The following CACNA2D3 variants were observed in gnomAD, a reference collection of about 807,000 sequenced individuals.
CACNA2D3 encodes calcium voltage-gated channel auxiliary subunit alpha2delta 3, also known as voltage-dependent calcium channel subunit alpha-2/delta-3.
CACNA2D3 carries 60 observed loss-of-function variants against 160.6 expected under a neutral mutation model. The ratio of observed to expected loss-of-function variants is 0.37; its 90% confidence interval spans 0.30 to 0.46. CACNA2D3 has a LOEUF of 0.46. Among genes scored for constraint, CACNA2D3 ranks in the 20% least tolerant of loss-of-function variants. The probability of loss-of-function intolerance (pLI) is 1.00; values close to 1 mark genes in which losing one functional copy is unlikely to be tolerated. For synonymous variants in CACNA2D3, 558 were observed against 492.9 expected, an observed-to-expected ratio of 1.13 and a Z score of -1.75; for missense variants, 1,205 against 1,365.0, an observed-to-expected ratio of 0.88 and a Z score of 1.85.
At chr3:55,019,648 A>G (rs1703404845) in intron 35 of CACNA2D3, among the ~76,000 whole-genome samples, 1 of 152,154 alleles carries the variant, frequency 6.6e-6, no homozygotes. Context: ...TTTGAGATCG[A>G]CTTGTTTGTG....
intron 13 of CACNA2D3, among the ~76,000 whole-genome samples, chr3:54,778,533 G>A (rs1702466721): frequency 1.3e-5 from 2 of 152,114 alleles, no homozygotes; most frequent in Admixed American, 1.3e-4. Flanking sequence ...CTAGAGTGGG[G>A]CATTGATGGC....
intron 4 of CACNA2D3, among the ~76,000 whole-genome samples, chr3:54,490,368 A>G (rs1701089798): frequency 6.6e-6 from 1 of 152,180 alleles, no homozygotes. Context: ...TCTCCGGGCC[A>G]TACCAGGCCG....
chr3:54,497,392 T>A (rs1466509978), intron 4 of CACNA2D3, among the ~76,000 whole-genome samples: 2 of 152,080 alleles, frequency 1.3e-5, no homozygotes, highest in Non-Finnish European at 2.9e-5. Flanking sequence ...TCATAAATGC[T>A]ATTATTTTCC....
At chr3:54,319,051 T>A (rs928177373) in intron 2 of CACNA2D3, among the ~76,000 whole-genome samples, 1 of 151,938 alleles carries the variant, frequency 6.6e-6, no homozygotes, top group Non-Finnish European at 1.5e-5. Context: ...TCCTTAGAGT[T>A]CCTCCCCTTG....
At chr3:54,805,863 T>C (rs1703108254) in intron 13 of CACNA2D3, among the ~76,000 whole-genome samples, 1 of 152,164 alleles carries the variant, frequency 6.6e-6, no homozygotes, top group Non-Finnish European at 1.5e-5. Flanking sequence ...CATGATCAAG[T>C]GGGCTTCATC....
At position 54,341,602 on chromosome 3, in the gene CACNA2D3, G is replaced by T. The variant is rs151177166; in HGVS notation, c.321+21044G>T. Among the ~76,000 whole-genome samples, 318 of 152,280 alleles carry T rather than the reference G, an allele frequency of 2.1e-3. 4 individuals are homozygous for T. Among genetic ancestry groups the T allele is most frequent in the African/African-American group, 7.1e-3 (294 of 41,564 alleles). On this transcript the variant is annotated intron_variant, in intron 3 of 37. Coordinates refer to ENST00000474759, the MANE Select transcript of CACNA2D3 (RefSeq NM_018398.3). ...GGAGCATGAGTTTGGCATTATTACT[G>T]CTACTAGCGTCCCCTTCTTTCAGAG...
At chr3:55,060,835 C>A (rs1276302018) in intron 35 of CACNA2D3, among the ~76,000 whole-genome samples, 1 of 152,144 alleles carries the variant, frequency 6.6e-6, no homozygotes, top group African/African-American at 2.4e-5. Context: ...TTGTTGTGAG[C>A]TCTTTTGAGA....
Position 55,002,541 on chromosome 3 carries a change from C to T in CACNA2D3, c.2691-2222C>T, listed in dbSNP as rs373903074. On this transcript the variant is annotated intron_variant, in intron 31 of 37. Transcript: ENST00000474759. ...GCTAGGGCTGTGTCAATGGTGAGAG[C>T]GTTTCTGTGAGAAGTTTGTGCGGGG... Among the ~76,000 whole-genome samples the T allele has an allele frequency of 8.8e-4, 134 of 152,298 alleles. No individual in the cohort carries two copies. In the South Asian group the frequency reaches 0.026, roughly 30 times the overall value.
At chr3:54,132,447 G>A (rs1699731644) in intron 2 of CACNA2D3, among the ~76,000 whole-genome samples, 1 of 152,158 alleles carries the variant, frequency 6.6e-6, no homozygotes, top group Non-Finnish European at 1.5e-5. Context: ...GGCCAAGTTC[G>A]AGTATTTCAG....
At chr3:54,943,115 T>A (rs1227826915) in intron 27 of CACNA2D3, among the ~76,000 whole-genome samples, 1 of 151,298 alleles carries the variant, frequency 6.6e-6, no homozygotes, top group Non-Finnish European at 1.5e-5. Context: ...GGCAAGAGGA[T>A]CACTTGAACC....
intron 1 of CACNA2D3, among the ~76,000 whole-genome samples, chr3:54,123,039 A>G (rs1011038410): frequency 1.3e-5 from 2 of 151,888 alleles, no homozygotes; most frequent in African/African-American, 4.8e-5. Flanking sequence ...TTGCCGAGTG[A>G]GATCTGGAGA....
intron 11 of CACNA2D3, among the ~76,000 whole-genome samples, chr3:54,727,380 G>T (rs943689881): frequency 1.3e-5 from 2 of 152,090 alleles, no homozygotes; most frequent in African/African-American, 2.4e-5. Context: ...CTAGAAATAC[G>T]ATTTGACCCA....
At chr3:54,418,682 G>A (rs943794034) in intron 4 of CACNA2D3, among the ~76,000 whole-genome samples, 1 of 152,148 alleles carries the variant, frequency 6.6e-6, no homozygotes, top group African/African-American at 2.4e-5. Context: ...TGGTGAGACT[G>A]GGTATATTTC....
intron 2 of CACNA2D3, among the ~76,000 whole-genome samples, chr3:54,290,914 TAGC>T (rs904835440): frequency 6.8e-6 from 1 of 147,746 alleles, no homozygotes; most frequent in African/African-American, 2.5e-5. Context: ...TGTTGTGGGG[TAGC>T]GGGGGGTGAG....
chr3:54,368,766 ATCTCGGCTCACTGCAAGCTCCGCC>A (rs1238886219), intron 3 of CACNA2D3, among the ~76,000 whole-genome samples: 2 of 127,546 alleles, frequency 1.6e-5, no homozygotes, highest in Admixed American at 1.1e-4. Flanking sequence ...TAGTGGCACG[ATCTCGGCTCACTGCAAGCTCCGCC>A]TCCTGGGTTC....
chr3:54,479,142 G>A (rs1700891237), intron 4 of CACNA2D3, among the ~76,000 whole-genome samples: 1 of 151,994 alleles, frequency 6.6e-6, no homozygotes. Context: ...GAGATCTGAT[G>A]GTTTTATAAG....
chr3:54,237,248 A>T (rs926903001), intron 2 of CACNA2D3, among the ~76,000 whole-genome samples: 1 of 152,128 alleles, frequency 6.6e-6, no homozygotes, highest in Non-Finnish European at 1.5e-5. Flanking sequence ...ATGTCCCTAG[A>T]AGGAATAGGA....
intron 2 of CACNA2D3, among the ~76,000 whole-genome samples, chr3:54,277,423 C>T (rs1020594569): frequency 3.3e-5 from 5 of 152,074 alleles, no homozygotes; most frequent in Admixed American, 6.6e-5. Flanking sequence ...GGTTTATAAA[C>T]GATTAGATGG....
chr3:54,902,902 C>G (rs1346940901), intron 27 of CACNA2D3, among the ~76,000 whole-genome samples: 1 of 152,150 alleles, frequency 6.6e-6, no homozygotes, highest in Non-Finnish European at 1.5e-5. Flanking sequence ...CCGTTTTTAT[C>G]TAAAAGTTGG....
Sources: allele counts gnomAD v4.1 joint callset (sites outside exome capture counted in the v4.1 genomes callset), GRCh38; gene constraint gnomAD v4.1.1; transcripts MANE v1.5; gene names NCBI Gene and HGNC (gene_info 2026-07-23, HGNC 2026-07-21).